The following WWP2 variants were observed in gnomAD, a reference collection of about 807,000 sequenced individuals.
WWP2 encodes NEDD4-like E3 ubiquitin-protein ligase WWP2.
Under a neutral mutation model 121.0 loss-of-function variants are expected in WWP2, and 57 were observed. The ratio of observed to expected loss-of-function variants is 0.47; its 90% CI spans 0.38 to 0.59. The LOEUF (loss-of-function observed/expected upper bound fraction) is 0.59. Ranked by LOEUF, WWP2 falls within the 20% of genes least tolerant of loss-of-function variation. The pLI, the probability that WWP2 is intolerant of heterozygous loss-of-function variation, is 0.00. For missense variants in WWP2, 962 were observed against 1,158.9 expected (o/e 0.83, Z 2.47); for synonymous variants, 449 against 441.3 (o/e 1.02, Z -0.22).
intron 4 of WWP2, among the ~76,000 whole-genome samples, chr16:69,836,671 C>T (rs764727391): frequency 7.9e-5 from 12 of 152,118 alleles, no homozygotes; most frequent in African/African-American, 1.2e-4. Context: ...AGTGCAGTGG[C>T]GCAATCTTGG....
intron 9 of WWP2, among the ~76,000 whole-genome samples, chr16:69,914,163 G>A (rs1242307470): frequency 1.4e-5 from 2 of 145,116 alleles, no homozygotes; most frequent in African/African-American, 5.1e-5. Flanking sequence ...AATATCTGAA[G>A]AATAGTTCTT....
rs375220060 is a variant in WWP2 at position 69,940,836 on chromosome 16, C to T, written c.*896C>T. On this transcript the variant is annotated 3_prime_UTR_variant, in exon 24 of 24. Transcript: ENST00000359154. ...CGGCGGCACAGCCTGGCAGGGACCT[C>T]GTCCCCAAGCCTGGCAGAATGAGAG... 5.9e-5 allele frequency: 9 copies of T among 153,454 alleles called. No individual in the cohort carries two copies. The highest frequency in any genetic ancestry group is 1.9e-4 in the African/African-American group (8 of 41,456). 9.5% of individuals were successfully genotyped at this position (153,454 alleles called of 1,614,324 possible). A position where few individuals can be genotyped will look rare whatever the true frequency, so the allele number is the denominator to read the frequency against.
intron 16 of WWP2, among the ~76,000 whole-genome samples, chr16:69,933,337 A>G (rs2058746504): frequency 6.6e-6 from 1 of 152,062 alleles, no homozygotes; most frequent in African/African-American, 2.4e-5. Context: ...GTTGGTTCAG[A>G]TGAATGCGTG....
chr16:69,909,242 AG>A, intron 9 of WWP2: 1 of 994,910 alleles, frequency 1.0e-6, no homozygotes, highest in Non-Finnish European at 1.2e-6. Context: ...TTCAAGGAGA[AG>A]GGGTTTGGTT....
chr16:69,885,060 A>G (rs1300045304), intron 7 of WWP2, among the ~76,000 whole-genome samples: 3 of 149,488 alleles, frequency 2.0e-5, no homozygotes, highest in African/African-American at 4.9e-5. Flanking sequence ...TACTTTAGAA[A>G]CTCCCCCTAC....
In WWP2 at chr16:69,782,208, G is replaced by A. The variant is rs184296133; in HGVS notation, c.-15-4788G>A. ...TGAGGCAGGAGAATCTCTTGAACCCGGGAGGCAGAGGTTGCAGTGAGCCAA... is the reference window on the plus strand; with the variant it reads ...TGAGGCAGGAGAATCTCTTGAACCCAGGAGGCAGAGGTTGCAGTGAGCCAA... On this transcript the variant is annotated intron_variant, in intron 1 of 23. Transcript: ENST00000359154. Among the ~76,000 whole-genome samples, 9 of 152,208 alleles carry A rather than the reference G, an allele frequency of 5.9e-5. No individual in the cohort carries two copies. The East Asian group carries it at 9.7e-4, about 16-fold the overall frequency.
intron 6 of WWP2, among the ~76,000 whole-genome samples, chr16:69,842,844 A>G (rs1279737377): frequency 6.6e-6 from 1 of 151,776 alleles, no homozygotes; most frequent in Non-Finnish European, 1.5e-5. Context: ...TAATTTTTTT[A>G]TTTTTGTAGA....
intron 7 of WWP2, among the ~76,000 whole-genome samples, chr16:69,878,661 C>CTTT (rs1179593049): frequency 3.3e-5 from 5 of 152,010 alleles, no homozygotes; most frequent in Non-Finnish European, 7.4e-5. Flanking sequence ...TGCACCCAGC[C>CTTT]TGTTTTTATA....
chr16:69,840,191 G>A lies in WWP2; in HGVS notation c.406G>A (p.Glu136Lys), dbSNP rs2056951508. 1 of 1,614,246 alleles carries A rather than the reference G, an allele frequency of 6.2e-7. No individual in the cohort carries two copies. Among genetic ancestry groups the A allele is most frequent in the Non-Finnish European group, 8.5e-7 (1 of 1,180,048 alleles). ...ENKGSVVSGG[E>K]LTIFLDGPTV... ...CAAAGGCAGCGTTGTCTCAGGCGGA[G>A]AGCTGACAATTTTCCTGGACGGGCC... Residue 136 changes from glutamate (E) to lysine (K), a missense_variant, in exon 5 of 24, where the codon GAG becomes AAG. Coordinates refer to ENST00000359154, the MANE Select transcript of WWP2 (RefSeq NM_001270454.2).
At position 69,821,769 on chromosome 16, in the gene WWP2, G is replaced by A. The variant is rs192389907; in HGVS notation, c.341-18357G>A. ...TAGAGATGTAGTCTCACTGTGTCAG[G>A]CTGGTCTCAAACTCCTGGCCTCAAG... On this transcript the variant is annotated intron_variant, in intron 4 of 23. Coordinates refer to ENST00000359154, the MANE Select transcript of WWP2 (RefSeq NM_001270454.2). 2.2e-3 allele frequency among the ~76,000 whole-genome samples: 326 copies of A among 145,310 alleles called. 2 individuals carry two copies. The highest frequency in any genetic ancestry group is 7.9e-3 in the African/African-American group (309 of 39,078).
chr16:69,900,477 ATAAT>A (rs1449303106), intron 8 of WWP2, among the ~76,000 whole-genome samples: 1 of 152,178 alleles, frequency 6.6e-6, no homozygotes, highest in Non-Finnish European at 1.5e-5. Context: ...TTTAAAAAAG[ATAAT>A]TAAAAGAATT....
chr16:69,909,379 G>A, intron 9 of WWP2: 3 of 986,360 alleles, frequency 3.0e-6, no homozygotes, highest in Non-Finnish European at 3.6e-6. Context: ...AAGGGCTCCT[G>A]TATAAAATAT....
chr16:69,849,678 G>A (rs977591042), intron 6 of WWP2, among the ~76,000 whole-genome samples: 3 of 152,078 alleles, frequency 2.0e-5, no homozygotes, highest in Non-Finnish European at 4.4e-5. Context: ...CATGGTGGCT[G>A]TATGCCTGAG....
rs2058623808 is a variant in WWP2 at position 69,925,293 on chromosome 16, A to G, written c.1180-137A>G. Reference sequence around the variant, plus strand: ...CTTTTGAGAGGAGCAGATGCCACCTAAAGTCCCACTGCATTCCCTGCAAAG... The same window carrying G: ...CTTTTGAGAGGAGCAGATGCCACCTGAAGTCCCACTGCATTCCCTGCAAAG... On this transcript the variant is annotated intron_variant, in intron 10 of 23. Coordinates refer to ENST00000359154, the MANE Select transcript of WWP2 (RefSeq NM_001270454.2). This position sits in a 1 kb window ranked among gnomAD's most constrained non-coding sequence, Gnocchi z 4.0. 2.0e-6 allele frequency: 3 copies of G among 1,483,618 alleles called. No individual in the cohort carries two copies. Among genetic ancestry groups the G allele is most frequent in the Non-Finnish European group, 1.8e-6 (2 of 1,114,652 alleles). The allele number at this position is 1,483,618 out of a possible 1,614,324, so 91.9% of individuals were successfully genotyped here. A position where few individuals can be genotyped will look rare whatever the true frequency, so the allele number is the denominator to read the frequency against.
intron 6 of WWP2, among the ~76,000 whole-genome samples, chr16:69,857,783 T>C (rs1237215002): frequency 6.7e-6 from 1 of 149,760 alleles, no homozygotes; most frequent in South Asian, 2.1e-4. Flanking sequence ...CACCTCAGTC[T>C]CCCAGGTAGC....
intron 2 of WWP2, among the ~76,000 whole-genome samples, chr16:69,790,583 T>G (rs1008769575): frequency 6.6e-6 from 1 of 152,082 alleles, no homozygotes; most frequent in Non-Finnish European, 1.5e-5. Flanking sequence ...TCTTTTTTTT[T>G]GTTTGTTTTT....
rs188244826 is a variant in WWP2, at chr16:69,879,125, T to C, written c.703+7194T>C. Among the ~76,000 whole-genome samples, 598 of 152,338 alleles carry C rather than the reference T, an allele frequency of 3.9e-3. 2 individuals are homozygous for C. The highest frequency in any genetic ancestry group is 5.7e-3 in the Non-Finnish European group (391 of 68,034). ...TGTCTCTTTTCATAGTATTTGATCA[T>C]TTGTCCTTCCGAGATTTAGAAGTTT... is the stretch of plus-strand genomic sequence containing the variant. On this transcript the variant is annotated intron_variant, in intron 7 of 23. Coordinates refer to ENST00000359154, the MANE Select transcript of WWP2 (RefSeq NM_001270454.2).
intron 7 of WWP2, among the ~76,000 whole-genome samples, chr16:69,882,487 A>G (rs1309570276): frequency 2.0e-5 from 3 of 152,368 alleles, no homozygotes; most frequent in Non-Finnish European, 1.5e-5. Flanking sequence ...TGTAAAGCAT[A>G]TAAGATAAGG....
intron 9 of WWP2, among the ~76,000 whole-genome samples, chr16:69,914,181 A>G (rs2058445149): frequency 6.6e-6 from 1 of 152,020 alleles, no homozygotes. Context: ...CTTTAGCAAG[A>G]ACTTGCGGAA....
Sources: allele counts gnomAD v4.1 joint callset (sites outside exome capture counted in the v4.1 genomes callset), GRCh38; gene constraint gnomAD v4.1.1; non-coding constraint Gnocchi (gnomAD v3.1); transcripts MANE v1.5; gene names NCBI Gene and HGNC (gene_info 2026-07-23, HGNC 2026-07-21).